The following VWF variants were observed in gnomAD, a reference collection of about 807,000 sequenced individuals.
The protein encoded by VWF is von Willebrand factor.
Under a neutral mutation model 308.6 loss-of-function variants are expected in VWF, and 176 were observed. The observed-to-expected ratio is 0.57, with a 90% CI of 0.50 to 0.65. The LOEUF (loss-of-function observed/expected upper bound fraction) is 0.65, where lower values mean the gene tolerates loss of function less well. Ranked by LOEUF, VWF falls within the 30% of genes least tolerant of loss-of-function variation. The pLI, the probability that VWF is intolerant of heterozygous loss-of-function variation, is 0.00. For missense variants in VWF, 3,146 were observed against 3,648.2 expected (o/e 0.86, Z 3.55); for synonymous variants, 1,385 against 1,443.4 (o/e 0.96, Z 0.92).
chr12:6,096,826 G>A (rs570916370), intron 5 of VWF, among the ~76,000 whole-genome samples: 23 of 152,324 alleles, frequency 1.5e-4, no homozygotes, highest in African/African-American at 5.3e-4. Flanking sequence ...ATTGGGATGA[G>A]CAGTTTTCTG....
chr12:5,997,026 C>A (rs1210614371), intron 34 of VWF, among the ~76,000 whole-genome samples: 1 of 152,092 alleles, frequency 6.6e-6, no homozygotes, highest in Non-Finnish European at 1.5e-5. Flanking sequence ...TGAATACATG[C>A]CCAAGAGCTG....
intron 42 of VWF, among the ~76,000 whole-genome samples, chr12:5,977,429 C>T (rs1943544221): frequency 2.0e-5 from 3 of 152,180 alleles, no homozygotes; most frequent in African/African-American, 4.8e-5. Flanking sequence ...TCTCTACACA[C>T]TGATACAGAA....
intron 37 of VWF, 55 bp from the exon 38 acceptor site, chr12:5,992,073 G>T: frequency 1.3e-6 from 2 of 1,526,686 alleles, no homozygotes; most frequent in Non-Finnish European, 9.0e-7. Context: ...AGAGTGAAAT[G>T]GGCACAGCTG....
chr12:5,972,980 G>T (rs143733395), intron 43 of VWF, among the ~76,000 whole-genome samples: 12 of 152,284 alleles, frequency 7.9e-5, no homozygotes, highest in African/African-American at 2.4e-4. Context: ...ATCGAGATTC[G>T]CATATTATTT....
rs570274459 is a variant in VWF at position 6,015,687 on chromosome 12, G to A, written c.5455+402C>T. ...TGCCAAGCCCATTACCTGGTACCAG[G>A]AAAGGACTCTAAATACATGAAAGCC... On this transcript the variant is annotated intron_variant, in intron 31 of 51. Coordinates refer to ENST00000261405, the MANE Select transcript of VWF (RefSeq NM_000552.5). Among the ~76,000 whole-genome samples the A allele has an allele frequency of 6.1e-4, 93 of 152,170 alleles. 2 individuals carry two copies. The South Asian group carries it at 0.014, about 23-fold the overall frequency.
rs1000104996 is a variant in VWF, at chr12:5,962,762, G to A, written c.7887+4724C>T. ...GAAGGGGTTTCACCATGTTAGCCAC[G>A]ATGGTCTTGATCTCTTGACCTGGTG... On this transcript the variant is annotated intron_variant, in intron 47 of 51. Transcript: ENST00000261405. 1.8e-4 allele frequency among the ~76,000 whole-genome samples: 28 copies of A among 152,098 alleles called. 1 individual carries two copies. Among genetic ancestry groups the A allele is most frequent in the Admixed American group, 1.3e-3 (20 of 15,278 alleles).
chr12:6,068,216 C>A (rs1198255168), intron 10 of VWF, among the ~76,000 whole-genome samples: 12 of 148,872 alleles, frequency 8.1e-5, no homozygotes, highest in Admixed American at 4.0e-4. Context: ...TGAAAAAAAA[C>A]AAAACGGAAC....
At chr12:6,043,688 C>T (rs74058508) in intron 18 of VWF, among the ~76,000 whole-genome samples, 6,019 of 152,286 alleles carry the variant, frequency 0.04, 149 homozygotes, top group Middle Eastern at 0.068. Flanking sequence ...CAAACCAGCA[C>T]GGCCTTGGAT....
intron 45 of VWF, among the ~76,000 whole-genome samples, chr12:5,968,923 T>G (rs1408309174): frequency 6.6e-6 from 1 of 152,218 alleles, no homozygotes; most frequent in Non-Finnish European, 1.5e-5. Context: ...GGGTGGCAAG[T>G]TGAACGCCTT....
intron 6 of VWF, among the ~76,000 whole-genome samples, chr12:6,085,316 G>T (rs1414136781): frequency 6.6e-6 from 1 of 152,174 alleles, no homozygotes; most frequent in Non-Finnish European, 1.5e-5. Flanking sequence ...CCTAAGCTGC[G>T]CTATCACTTA....
rs146459600 is a variant in VWF at position 6,101,433 on chromosome 12, G to C, written c.533-5849C>G. ...AAAAAGCAACACAGAGGGATAAAGA[G>C]CTTAAAAAAAAAAAATGGAAGTAAG... On this transcript the variant is annotated intron_variant, in intron 5 of 51. Coordinates refer to ENST00000261405, the MANE Select transcript of VWF (RefSeq NM_000552.5). Among the ~76,000 whole-genome samples the C allele has an allele frequency of 1.3e-3, 189 of 142,398 alleles. 2 individuals are homozygous for C. The East Asian group carries it at 0.026, about 20-fold the overall frequency. The allele number at this position is 142,398 out of a possible 152,430, so 93.4% of individuals were successfully genotyped here. A position where few individuals can be genotyped will look rare whatever the true frequency, so the allele number is the denominator to read the frequency against.
chr12:5,993,703 A>G (rs965855722), intron 37 of VWF, among the ~76,000 whole-genome samples, 159 bp downstream of exon 37: 2 of 151,374 alleles, frequency 1.3e-5, no homozygotes, highest in Non-Finnish European at 2.9e-5. Flanking sequence ...ATGTATATAT[A>G]TATCTTCCAT....
chr12:6,048,702 A>G (rs972871657), intron 16 of VWF, among the ~76,000 whole-genome samples: 3 of 151,894 alleles, frequency 2.0e-5, no homozygotes, highest in Non-Finnish European at 4.4e-5. Context: ...ACCTCAAGTG[A>G]TCCGCCCACC....
chr12:6,118,910 C>T (rs1945399827), intron 3 of VWF, among the ~76,000 whole-genome samples: 1 of 152,230 alleles, frequency 6.6e-6, no homozygotes, highest in Non-Finnish European at 1.5e-5. Context: ...TCCCCAGCTG[C>T]AGCCTCTGAA....
rs373172467 is a variant in VWF at position 6,023,644 on chromosome 12, C to T, written c.3366G>A (p.Thr1122=). Residue 1122 remains threonine, a synonymous_variant, in exon 25 of 52, where the codon ACG becomes ACA. Coordinates refer to ENST00000261405, the MANE Select transcript of VWF (RefSeq NM_000552.5). ...GTCAGTACTCACGGCACAATGTGGC[C>T]GTCCTCCAGGTCACCACCTTGCCAT... ...AQHGKVVTWR[T]ATLCPQSCEE... is the part of the protein sequence containing the mutation. 9.9e-6 allele frequency: 16 copies of T among 1,613,722 alleles called. No homozygotes were observed. The highest frequency in any genetic ancestry group is 2.2e-5 in the East Asian group (1 of 44,898).
chr12:6,079,770 T>C (rs1490583873), intron 6 of VWF, among the ~76,000 whole-genome samples: 1 of 152,038 alleles, frequency 6.6e-6, no homozygotes, highest in Non-Finnish European at 1.5e-5. Context: ...CCATATAAAA[T>C]GCAAGTCTAA....
intron 10 of VWF, among the ~76,000 whole-genome samples, chr12:6,067,575 C>A (rs1020679770): frequency 6.6e-6 from 1 of 152,172 alleles, no homozygotes; most frequent in African/African-American, 2.4e-5. Context: ...TACAACTGAG[C>A]AACAGAGCCA....
chr12:5,996,156 C>T lies in VWF; in HGVS notation c.5909G>A (p.Gly1970Asp), dbSNP rs370223669. The T allele has an allele frequency of 2.5e-6, 4 of 1,613,974 alleles. No individual in the cohort carries two copies. The highest frequency in any genetic ancestry group is 3.4e-6 in the Non-Finnish European group (4 of 1,180,032). Residue 1970 changes from glycine to aspartate, a missense_variant, in exon 35 of 52, where the codon GGC becomes GAC. This residue lies in a region of VWF where 989 missense variants were observed against 1,117.4 expected (regional missense o/e 0.89). Coordinates refer to ENST00000261405, the MANE Select transcript of VWF (RefSeq NM_000552.5). ...TTGAAATAGGACATAAGAACAGCTG[C>T]CAGTCAGCTTGAAATTCTGCCCATC... ...TFDGQNFKLT[G>D]SCSYVLFQNK...
At chr12:6,012,225 T>A in intron 32 of VWF, 95 bp from the exon 33 acceptor site, 1 of 1,307,844 alleles carries the variant, frequency 7.6e-7, no homozygotes, top group Non-Finnish European at 1.1e-6. Flanking sequence ...GTCTAGTTTT[T>A]GAAGTCAACT....
Sources: allele counts gnomAD v4.1 joint callset (sites outside exome capture counted in the v4.1 genomes callset), GRCh38; gene constraint gnomAD v4.1.1; regional missense constraint gnomAD v4.1.1; transcripts MANE v1.5; gene names NCBI Gene and HGNC (gene_info 2026-07-23, HGNC 2026-07-21).